The following THSD7B variants were observed in gnomAD, a reference collection of about 807,000 sequenced individuals.
The protein encoded by THSD7B is thrombospondin type 1 domain containing 7B.
THSD7B carries 138 observed loss-of-function variants against 213.6 expected under a neutral mutation model. The observed-to-expected ratio is 0.65, with a 90% confidence interval of 0.56 to 0.74. The LOEUF is 0.74. THSD7B is among the 30% of genes least tolerant of loss of function. THSD7B has a pLI of 0.00. For synonymous variants in THSD7B, 742 were observed against 687.0 expected, an observed-to-expected ratio of 1.08 and a Z score of -1.25; for missense variants, 1,931 against 1,991.5, an observed-to-expected ratio of 0.97 and a Z score of 0.58.
At chr2:136,905,419 G>A (rs1451267287) in intron 2 of THSD7B, among the ~76,000 whole-genome samples, 2 of 152,212 alleles carry the variant, frequency 1.3e-5, no homozygotes, top group African/African-American at 4.8e-5. Flanking sequence ...AAAGCATTAT[G>A]AGAAGACGAA....
chr2:136,937,729 C>T (rs1386217066), intron 2 of THSD7B, among the ~76,000 whole-genome samples: 1 of 152,138 alleles, frequency 6.6e-6, no homozygotes, highest in Non-Finnish European at 1.5e-5. Flanking sequence ...TGGAAGTCAT[C>T]TTCACTTTCT....
intron 1 of THSD7B, among the ~76,000 whole-genome samples, chr2:136,876,000 C>T (rs181847186): frequency 6.6e-6 from 1 of 152,242 alleles, no homozygotes; most frequent in Non-Finnish European, 1.5e-5. Flanking sequence ...TTTTGGCCCT[C>T]CTTCTCTTTA....
intron 2 of THSD7B, among the ~76,000 whole-genome samples, chr2:136,935,181 A>G (rs1282988370): frequency 1.3e-5 from 2 of 152,110 alleles, no homozygotes; most frequent in African/African-American, 4.8e-5. Flanking sequence ...TCTGTGTTCA[A>G]ATTTCATTTC....
chr2:136,869,179 G>A, intron 1 of THSD7B, among the ~76,000 whole-genome samples: 1 of 152,154 alleles, frequency 6.6e-6, no homozygotes, highest in South Asian at 2.1e-4. Context: ...GGGTGGTGGA[G>A]TGGGATATTC....
chr2:137,241,410 C>A (rs1036816154), intron 9 of THSD7B, among the ~76,000 whole-genome samples: 3 of 152,196 alleles, frequency 2.0e-5, no homozygotes, highest in Admixed American at 2.0e-4. Context: ...AACTCTCTTG[C>A]TATTTGCTGA....
At chr2:137,134,436 G>C (rs1160743643) in intron 5 of THSD7B, among the ~76,000 whole-genome samples, 1 of 152,122 alleles carries the variant, frequency 6.6e-6, no homozygotes, top group East Asian at 1.9e-4. Flanking sequence ...GACGAAAGGG[G>C]TACTCTGTGC....
At chr2:137,208,278 C>T (rs1305641608) in intron 7 of THSD7B, among the ~76,000 whole-genome samples, 1 of 151,994 alleles carries the variant, frequency 6.6e-6, no homozygotes, top group East Asian at 1.9e-4. Flanking sequence ...TAAATGGGTC[C>T]AGGTGCTGGG....
chr2:137,096,898 A>G (rs1688049761), intron 4 of THSD7B, among the ~76,000 whole-genome samples: 1 of 152,220 alleles, frequency 6.6e-6, no homozygotes, highest in Non-Finnish European at 1.5e-5. Context: ...GGCTTAGCAC[A>G]TAGGTGGCGC....
chr2:137,254,042 A>G (rs1268695087), intron 10 of THSD7B, among the ~76,000 whole-genome samples: 1 of 152,206 alleles, frequency 6.6e-6, no homozygotes, highest in African/African-American at 2.4e-5. Context: ...TCAACAAGCT[A>G]CTTTATGCTT....
intron 15 of THSD7B, among the ~76,000 whole-genome samples, chr2:137,561,215 C>T (rs1429947049): frequency 1.3e-5 from 2 of 152,052 alleles, no homozygotes; most frequent in Non-Finnish European, 2.9e-5. Context: ...AGAATATAAG[C>T]AAGAAACCAA....
chr2:137,279,309 G>A (rs1053251505), intron 12 of THSD7B, among the ~76,000 whole-genome samples: 20 of 152,116 alleles, frequency 1.3e-4, no homozygotes, highest in Admixed American at 1.2e-3. Context: ...GCTGAGGTGA[G>A]AGGATTCCTT....
intron 1 of THSD7B, among the ~76,000 whole-genome samples, chr2:136,771,880 G>T (rs1389380535): frequency 6.6e-6 from 1 of 152,034 alleles, no homozygotes; most frequent in Non-Finnish European, 1.5e-5. Context: ...GATCTGTAAG[G>T]TAAGGCTTAC....
intron 15 of THSD7B, among the ~76,000 whole-genome samples, chr2:137,558,578 C>T (rs564199395): frequency 2.7e-4 from 41 of 152,302 alleles, no homozygotes; most frequent in African/African-American, 9.6e-4. Context: ...ATACTAAGAG[C>T]TGTTTATGAC....
In THSD7B at chr2:137,275,874, C is replaced by T. The variant is rs374688950; in HGVS notation, c.2397-49C>T. ...CAAACATATGTAAGTATTTCTTCCT[C>T]GTGTTGATCACAGTAAAGTTTCTAG... On this transcript the variant is annotated intron_variant, in intron 11 of 27. Transcript: ENST00000409968. 1.1e-4 allele frequency: 155 copies of T among 1,374,510 alleles called. No individual in the cohort carries two copies. The Middle Eastern group carries it at 5.1e-3, about 46-fold the overall frequency. 85.1% of individuals were successfully genotyped at this position (1,374,510 alleles called of 1,614,324 possible).
intron 4 of THSD7B, among the ~76,000 whole-genome samples, chr2:137,096,120 G>T: frequency 6.6e-6 from 1 of 152,108 alleles, no homozygotes. Flanking sequence ...ATAACAGACA[G>T]AAATCTGTTA....
chr2:137,139,926 CTA>C (rs1303827199), intron 5 of THSD7B, among the ~76,000 whole-genome samples: 8 of 152,104 alleles, frequency 5.3e-5, no homozygotes. Flanking sequence ...TTTAATGAGA[CTA>C]TCTTCCATTT....
At chr2:137,180,904 G>C (rs79430518) in intron 7 of THSD7B, among the ~76,000 whole-genome samples, 1 of 152,124 alleles carries the variant, frequency 6.6e-6, no homozygotes, top group Admixed American at 6.6e-5. Context: ...AGAGGCAATT[G>C]TGCCAACTCA....
intron 6 of THSD7B, among the ~76,000 whole-genome samples, chr2:137,168,273 A>G (rs2104992394): frequency 6.6e-6 from 1 of 152,328 alleles, no homozygotes; most frequent in East Asian, 1.9e-4. Flanking sequence ...TTATGGAATA[A>G]TATCATCTGA....
intron 6 of THSD7B, among the ~76,000 whole-genome samples, chr2:137,166,875 C>G (rs985707588): frequency 2.6e-5 from 4 of 152,016 alleles, no homozygotes; most frequent in African/African-American, 9.7e-5. Context: ...GTGGGTGGGG[C>G]GTTCTGTTAA....
Sources: gnomAD v4.1 joint callset for allele counts (sites outside exome capture counted in the v4.1 genomes callset) on GRCh38, gnomAD v4.1.1 for gene constraint, MANE v1.5 for transcripts, NCBI Gene and HGNC (gene_info 2026-07-23, HGNC 2026-07-21) for gene names.